RABGEF1: variants seen among roughly 807,000 people sequenced by gnomAD.
The protein encoded by RABGEF1 is rab5 GDP/GTP exchange factor.
RABGEF1 carries 26 observed loss-of-function variants against 57.3 expected under a neutral mutation model. The ratio of observed to expected loss-of-function variants is 0.45; its 90% CI spans 0.33 to 0.63. RABGEF1 has a LOEUF of 0.63. Ranked by LOEUF, RABGEF1 falls within the 20% of genes least tolerant of loss-of-function variation. RABGEF1 has a pLI of 0.02. For missense variants in RABGEF1, 464 were observed against 607.6 expected, an observed-to-expected ratio of 0.76 and a Z score of 2.48; for synonymous variants, 185 against 210.7, an observed-to-expected ratio of 0.88 and a Z score of 1.06.
chr7:66,747,820 A>G (rs2129057040), intron 1 of RABGEF1, among the ~76,000 whole-genome samples: 1 of 152,354 alleles, frequency 6.6e-6, no homozygotes, highest in South Asian at 2.1e-4. Flanking sequence ...TCAGTGGAAC[A>G]TATCATTTAC....
chr7:66,705,158 T>G (rs1307781986), intron 1 of RABGEF1, among the ~76,000 whole-genome samples: 1 of 152,100 alleles, frequency 6.6e-6, no homozygotes, highest in African/African-American at 2.4e-5. Context: ...CCCAACACTT[T>G]GGGAGGCCGA....
chr7:66,759,274 T>C (rs906753116), intron 1 of RABGEF1, among the ~76,000 whole-genome samples: 1 of 152,188 alleles, frequency 6.6e-6, no homozygotes, highest in African/African-American at 2.4e-5. Context: ...GGATACAAAG[T>C]AGGATTAATA....
At chr7:66,691,676 A>G (rs1791538932) in intron 1 of RABGEF1, among the ~76,000 whole-genome samples, 1 of 152,158 alleles carries the variant, frequency 6.6e-6, no homozygotes, top group South Asian at 2.1e-4. Flanking sequence ...TGAGAAATTC[A>G]ACATTTTATT....
upstream of RABGEF1, among the ~76,000 whole-genome samples, chr7:66,737,441 G>GT (rs1313763559): frequency 1.4e-5 from 2 of 147,842 alleles, no homozygotes; most frequent in Admixed American, 6.6e-5. Flanking sequence ...ACGAGACTGG[G>GT]TAGGGGGGGG....
chr7:66,785,338 T>TCCA (rs1353985997), intron 4 of RABGEF1, among the ~76,000 whole-genome samples: 1 of 152,192 alleles, frequency 6.6e-6, no homozygotes, highest in East Asian at 1.9e-4. Context: ...GGTGGCCAAG[T>TCCA]CCTATGCATG....
At chr7:66,744,625 G>A (rs1487040116) in intron 1 of RABGEF1, among the ~76,000 whole-genome samples, 1 of 142,174 alleles carries the variant, frequency 7.0e-6, no homozygotes, top group Non-Finnish European at 1.5e-5. Flanking sequence ...CCGAGATGGC[G>A]CCACTGCACT....
upstream of RABGEF1, among the ~76,000 whole-genome samples, chr7:66,680,568 T>A (rs1268464889): frequency 6.6e-6 from 1 of 151,866 alleles, no homozygotes; most frequent in Non-Finnish European, 1.5e-5. Flanking sequence ...TACTCTGTTG[T>A]ACCCTCAGCC....
At position 66,778,996 on chromosome 7, in the gene RABGEF1, TCCCAGCTA is replaced by T. The variant is rs1342035134; in HGVS notation, c.346+3605_346+3612del. Among the ~76,000 whole-genome samples, 8 of 152,036 alleles carry T rather than the reference TCCCAGCTA, an allele frequency of 5.3e-5. 1 individual carries two copies. Among genetic ancestry groups the T allele is most frequent in the Non-Finnish European group, 1.2e-4 (8 of 68,022 alleles). On this transcript the variant is annotated intron_variant, in intron 3 of 8. Coordinates refer to ENST00000284957, the MANE Select transcript of RABGEF1 (RefSeq NM_014504.3). ...CAGGTGTGGAAGTGTGCGCCTGTAA[TCCCAGCTA>T]CTTGGGAGTCAGAGTCAGGAGAATC...
intron 2 of RABGEF1, among the ~76,000 whole-genome samples, chr7:66,726,953 G>A (rs1326278274): frequency 6.6e-6 from 1 of 152,102 alleles, no homozygotes; most frequent in African/African-American, 2.4e-5. Flanking sequence ...GCAGTGAGCC[G>A]AGATTGCGCC....
intron 1 of RABGEF1, chr7:66,756,039 A>G (rs1409815430): frequency 6.7e-7 from 1 of 1,498,898 alleles, no homozygotes; most frequent in Admixed American, 2.1e-5. Flanking sequence ...AATGCTAATA[A>G]GTCTTTTATT....
At chr7:66,705,586 C>A (rs1235921653) in intron 1 of RABGEF1, among the ~76,000 whole-genome samples, 1 of 151,650 alleles carries the variant, frequency 6.6e-6, no homozygotes, top group East Asian at 1.9e-4. Context: ...GTCCTGCAAC[C>A]TTGCTATAAT....
intron 2 of RABGEF1, 139 bp downstream of exon 2, chr7:66,772,217 CTCT>C (rs1336354479): frequency 9.0e-5 from 53 of 590,968 alleles, no homozygotes; most frequent in Admixed American, 4.8e-4. Context: ...ATGTTTTCCT[CTCT>C]TCTTCTCAGT....
intron 3 of RABGEF1, among the ~76,000 whole-genome samples, chr7:66,782,393 G>A (rs1463290360): frequency 6.7e-6 from 1 of 149,596 alleles, no homozygotes; most frequent in Non-Finnish European, 1.5e-5. Context: ...TTTATTCTGA[G>A]TTATAAACAC....
At chr7:66,691,136 T>C (rs1791460082) in intron 1 of RABGEF1, among the ~76,000 whole-genome samples, 1 of 152,082 alleles carries the variant, frequency 6.6e-6, no homozygotes, top group Non-Finnish European at 1.5e-5. Context: ...GCAGAGGATA[T>C]GGATTAGTGA....
In RABGEF1 at chr7:66,808,876, C is replaced by T; in HGVS notation, c.1078-10C>T. ...CCTAATATGACTGTATTAACGTCCTCTTCTTGTAGTGCTGTGCTGTGGCTT... is the reference window on the plus strand; with the variant it reads ...CCTAATATGACTGTATTAACGTCCTTTTCTTGTAGTGCTGTGCTGTGGCTT... On this transcript the variant is annotated splice_polypyrimidine_tract_variant and intron_variant, in intron 8 of 8. Transcript: ENST00000284957. 1.9e-6 allele frequency: 3 copies of T among 1,557,468 alleles called. No individual in the cohort carries two copies. Among genetic ancestry groups the T allele is most frequent in the South Asian group, 1.2e-5 (1 of 86,748 alleles).
chr7:66,678,041 G>A (rs1479668053), upstream of RABGEF1, among the ~76,000 whole-genome samples: 2 of 151,816 alleles, frequency 1.3e-5, no homozygotes, highest in Non-Finnish European at 2.9e-5. Flanking sequence ...TCCAGTCTGG[G>A]TGACAAAGAC....
At chr7:66,750,349 C>T (rs1801134026) in intron 1 of RABGEF1, among the ~76,000 whole-genome samples, 1 of 152,124 alleles carries the variant, frequency 6.6e-6, no homozygotes, top group South Asian at 2.1e-4. Flanking sequence ...CCAGGAAATA[C>T]AATGTTTTAT....
At chr7:66,734,272 G>C (rs1306738011) in intron 2 of RABGEF1, among the ~76,000 whole-genome samples, 1 of 152,142 alleles carries the variant, frequency 6.6e-6, no homozygotes, top group African/African-American at 2.4e-5. Context: ...AGGCAACCCG[G>C]CTCCTGCCCC....
upstream of RABGEF1, chr7:66,739,786 C>T (rs1266206654): frequency 6.6e-6 from 1 of 151,754 alleles, no homozygotes; most frequent in Non-Finnish European, 1.5e-5. Context: ...ATAGTATTTT[C>T]TTTTTTTTCT....
Sources: gnomAD v4.1 joint callset for allele counts (sites outside exome capture counted in the v4.1 genomes callset) on GRCh38, gnomAD v4.1.1 for gene constraint, MANE v1.5 for transcripts, NCBI Gene and HGNC (gene_info 2026-07-23, HGNC 2026-07-21) for gene names.